SKAP1: variants seen among roughly 807,000 people sequenced by gnomAD.
The protein encoded by SKAP1 is src kinase-associated phosphoprotein 1.
Under a neutral mutation model 58.5 loss-of-function variants are expected in SKAP1, and 44 were observed. That is an observed-to-expected ratio of 0.75 (90% CI 0.59 to 0.97). The LOEUF is 0.97. Among genes scored for constraint, SKAP1 ranks in the 50% least tolerant of loss-of-function variants. SKAP1 has a pLI of 0.00. For synonymous variants in SKAP1, 127 were observed against 149.7 expected (o/e 0.85, Z 1.11); for missense variants, 390 against 435.2 (o/e 0.90, Z 0.92).
chr17:48,411,132 G>A (rs9897131), intron 1 of SKAP1, among the ~76,000 whole-genome samples: 13,766 of 151,926 alleles, frequency 0.091, 949 homozygotes, highest in African/African-American at 0.16. Context: ...GGGCACGGTG[G>A]CTTGTGCCTG....
intron 4 of SKAP1, among the ~76,000 whole-genome samples, chr17:48,294,175 G>C (rs193048821): frequency 3.5e-4 from 54 of 152,224 alleles, no homozygotes; most frequent in Admixed American, 7.2e-4. Flanking sequence ...TAATCTAATG[G>C]AGTAAAGTCC....
At chr17:48,345,406 C>G (rs2066710473) in intron 4 of SKAP1, among the ~76,000 whole-genome samples, 1 of 152,142 alleles carries the variant, frequency 6.6e-6, no homozygotes, top group South Asian at 2.1e-4. Context: ...TTCCCTTCCC[C>G]TTGAGCAATA....
chr17:48,162,581 G>T lies in SKAP1; in HGVS notation c.878-12C>A. On this transcript the variant is annotated splice_polypyrimidine_tract_variant and intron_variant, in intron 10 of 12. Coordinates refer to ENST00000336915, the MANE Select transcript of SKAP1 (RefSeq NM_003726.4). ...ACTGGCATAGTCTACTGATCAAAGA[G>T]AGGAGAAATCAAAGTTAAAAGGACT... is the stretch of plus-strand genomic sequence containing the variant. 1 of 1,597,652 alleles carries T rather than the reference G, an allele frequency of 6.3e-7. No individual in the cohort carries two copies. Among genetic ancestry groups the T allele is most frequent in the South Asian group, 1.1e-5 (1 of 89,402 alleles).
At chr17:48,196,321 T>C (rs1802304150) in intron 4 of SKAP1, among the ~76,000 whole-genome samples, 1 of 152,236 alleles carries the variant, frequency 6.6e-6, no homozygotes, top group African/African-American at 2.4e-5. Context: ...TTCTAACTCC[T>C]GGTGTCAAAA....
At chr17:48,160,129 T>C (rs2064046896) in intron 11 of SKAP1, among the ~76,000 whole-genome samples, 1 of 152,164 alleles carries the variant, frequency 6.6e-6, no homozygotes, top group Non-Finnish European at 1.5e-5. Flanking sequence ...TTTCTTTTCT[T>C]CTTTTTTTCT....
At chr17:48,218,021 T>C (rs1017980748) in intron 4 of SKAP1, among the ~76,000 whole-genome samples, 1 of 152,214 alleles carries the variant, frequency 6.6e-6, no homozygotes, top group African/African-American at 2.4e-5. Context: ...ACTGATTTCA[T>C]AGAGAAGGAG....
intron 1 of SKAP1, among the ~76,000 whole-genome samples, chr17:48,411,306 A>G (rs1002431903): frequency 6.6e-5 from 10 of 152,078 alleles, no homozygotes; most frequent in Admixed American, 2.0e-4. Flanking sequence ...AGGCTGAGGC[A>G]GGAGAATTGT....
At chr17:48,186,734 TGCTGGGATTACA>T (rs923611126) in intron 6 of SKAP1, among the ~76,000 whole-genome samples, 1 of 151,872 alleles carries the variant, frequency 6.6e-6, no homozygotes, top group African/African-American at 2.4e-5. Context: ...CCTCCCAAAG[TGCTGGGATTACA>T]GGCGTGAGCC....
At chr17:48,182,602 A>G (rs2064384846) in intron 7 of SKAP1, 145 bp from the exon 8 acceptor site, 1 of 600,764 alleles carries the variant, frequency 1.7e-6, no homozygotes, top group African/African-American at 1.9e-5. Flanking sequence ...TATAGAAAAA[A>G]GACCAAATAT....
At chr17:48,199,968 A>T (rs1426699383) in intron 4 of SKAP1, among the ~76,000 whole-genome samples, 1 of 152,052 alleles carries the variant, frequency 6.6e-6, no homozygotes, top group Non-Finnish European at 1.5e-5. Context: ...TTTCATGGCA[A>T]TTGTCTAGGT....
At chr17:48,328,684 C>A (rs1267521046) in intron 4 of SKAP1, among the ~76,000 whole-genome samples, 1 of 152,110 alleles carries the variant, frequency 6.6e-6, no homozygotes, top group African/African-American at 2.4e-5. Flanking sequence ...TTCTTCAAAG[C>A]ACTTTGCCAG....
chr17:48,414,669 G>C (rs1263788230), intron 1 of SKAP1, among the ~76,000 whole-genome samples: 1 of 152,050 alleles, frequency 6.6e-6, no homozygotes, highest in Non-Finnish European at 1.5e-5. Context: ...AGCAAGTCAG[G>C]GTAGGAAAAG....
intron 1 of SKAP1, among the ~76,000 whole-genome samples, chr17:48,416,935 C>T (rs978968989): frequency 1.3e-5 from 2 of 152,166 alleles, no homozygotes; most frequent in East Asian, 3.8e-4. Context: ...TTCATGGAAA[C>T]CTTCACTATT....
At chr17:48,162,669 C>T (rs2064085365) in intron 10 of SKAP1, 100 bp from the exon 11 acceptor site, 1 of 778,548 alleles carries the variant, frequency 1.3e-6, no homozygotes, top group Non-Finnish European at 2.1e-6. Flanking sequence ...GATATTGCCC[C>T]TAGGAAACCT....
chr17:48,203,614 G>C (rs897910138), intron 4 of SKAP1: 11 of 152,140 alleles, frequency 7.2e-5, no homozygotes, highest in Non-Finnish European at 1.2e-4. Flanking sequence ...TAGCACCTTG[G>C]AAGCCTGAGA....
At chr17:48,256,901 A>G (rs1321912990) in intron 4 of SKAP1, among the ~76,000 whole-genome samples, 2 of 152,084 alleles carry the variant, frequency 1.3e-5, no homozygotes, top group African/African-American at 2.4e-5. Context: ...TGGAATAGTC[A>G]CTTGGTCCAA....
intron 4 of SKAP1, among the ~76,000 whole-genome samples, chr17:48,341,591 AT>A (rs538857902): frequency 1.8e-4 from 28 of 152,328 alleles, no homozygotes; most frequent in African/African-American, 6.7e-4. Context: ...GGAGTTGAAA[AT>A]AGCTACTATT....
At chr17:48,187,813 G>C (rs370315572) in intron 6 of SKAP1, 30 bp downstream of exon 6, 2 of 1,492,130 alleles carry the variant, frequency 1.3e-6, no homozygotes, top group Admixed American at 1.7e-5. Context: ...CCAGGAGTGA[G>C]ATGCTGCTGT....
At chr17:48,142,981 C>CTT (rs776705662) in intron 11 of SKAP1, among the ~76,000 whole-genome samples, 32 of 133,004 alleles carry the variant, frequency 2.4e-4, no homozygotes, top group Non-Finnish European at 3.1e-4. Context: ...AAAAAAAAAA[C>CTT]TTTTTTTTTT....
Sources: gnomAD v4.1 joint callset for allele counts (sites outside exome capture counted in the v4.1 genomes callset) on GRCh38, gnomAD v4.1.1 for gene constraint, MANE v1.5 for transcripts, NCBI Gene and HGNC (gene_info 2026-07-23, HGNC 2026-07-21) for gene names.